CSPP1: variants seen among roughly 807,000 people sequenced by gnomAD.
The protein encoded by CSPP1 is centrosome and spindle pole-associated protein 1.
A neutral mutation model predicts 164.4 loss-of-function variants in CSPP1; 126 were observed. That is an observed-to-expected ratio of 0.77 (90% CI 0.66 to 0.89). CSPP1 has a LOEUF of 0.89. Among genes scored for constraint, CSPP1 ranks in the 40% least tolerant of loss-of-function variants. CSPP1 has a pLI of 0.00. For synonymous variants in CSPP1, 472 were observed against 476.7 expected, an observed-to-expected ratio of 0.99 and a Z score of 0.13; for missense variants, 1,395 against 1,449.8, an observed-to-expected ratio of 0.96 and a Z score of 0.61.
chr8:67,071,847 A>G (rs1489457012), intron 1 of CSPP1, among the ~76,000 whole-genome samples: 3 of 152,316 alleles, frequency 2.0e-5, no homozygotes, highest in South Asian at 4.1e-4. Flanking sequence ...TACTCTATTC[A>G]TATGCAAAAA....
intron 28 of CSPP1, among the ~76,000 whole-genome samples, 185 bp from the exon 29 acceptor site, chr8:67,190,460 CTACTT>C (rs1210768347): frequency 3.3e-5 from 5 of 152,086 alleles, no homozygotes; most frequent in African/African-American, 9.7e-5. Context: ...TGAAAATGTT[CTACTT>C]TAAAGTGATG....
chr8:67,124,987 A>G (rs1040429908), intron 15 of CSPP1, among the ~76,000 whole-genome samples: 7 of 152,144 alleles, frequency 4.6e-5, no homozygotes, highest in Admixed American at 4.6e-4. Context: ...TTGTCTTTTA[A>G]GTCAAATAGA....
intron 18 of CSPP1, 79 bp from the exon 19 acceptor site, chr8:67,153,945 A>T: frequency 1.6e-6 from 1 of 627,732 alleles, no homozygotes; most frequent in Non-Finnish European, 2.8e-6. Flanking sequence ...TGAATTTATT[A>T]GCAAACTGTT....
intron 8 of CSPP1, among the ~76,000 whole-genome samples, chr8:67,104,256 A>C (rs935391720): frequency 6.6e-6 from 1 of 150,912 alleles, no homozygotes; most frequent in Non-Finnish European, 1.5e-5. Flanking sequence ...GTCTTCCAAG[A>C]AAGGTTTTTT....
chr8:67,173,100 G>C (rs888041461), intron 25 of CSPP1: 1 of 152,308 alleles, frequency 6.6e-6, no homozygotes, highest in Non-Finnish European at 1.5e-5. Flanking sequence ...GGAGACAATA[G>C]GCATAAGACT....
At chr8:67,098,491 C>T (rs1395081069) in intron 7 of CSPP1, among the ~76,000 whole-genome samples, 1 of 151,604 alleles carries the variant, frequency 6.6e-6, no homozygotes, top group Non-Finnish European at 1.5e-5. Context: ...AATGATGTTG[C>T]CTTCCTAAAC....
chr8:67,146,800 GTAAGTGCTCC>G lies in CSPP1; in HGVS notation c.1976-2979_1976-2970del, dbSNP rs532828059. ...AGCTAATTCACTCAGTGAGGAGCACGTAAGTGCTCCTAATTTTATATTGAATGTTATGATG... is the reference window on the plus strand; with the variant it reads ...AGCTAATTCACTCAGTGAGGAGCACGTAATTTTATATTGAATGTTATGATG... On this transcript the variant is annotated intron_variant, in intron 17 of 30. Coordinates refer to ENST00000678616, the MANE Select transcript of CSPP1 (RefSeq NM_001382391.1). Among the ~76,000 whole-genome samples, 118 of 151,706 alleles carry G rather than the reference GTAAGTGCTCC, an allele frequency of 7.8e-4. 1 individual carries two copies. Among genetic ancestry groups the G allele is most frequent in the African/African-American group, 2.7e-3 (111 of 41,028 alleles).
chr8:67,073,899 A>C lies in CSPP1; in HGVS notation c.-10-344A>C, dbSNP rs1319314213. 2.0e-5 allele frequency among the ~76,000 whole-genome samples: 3 copies of C among 152,192 alleles called. No individual in the cohort carries two copies. In the East Asian group the frequency reaches 5.8e-4, roughly 29 times the overall value. Reference sequence around the variant, plus strand: ...GTAACTTCTCTGTAGGTCAGAAATTATCTCCCAATATTTAAAAAAAACTTT... The same window carrying C: ...GTAACTTCTCTGTAGGTCAGAAATTCTCTCCCAATATTTAAAAAAAACTTT... On this transcript the variant is annotated intron_variant, in intron 1 of 30. Transcript: ENST00000678616.
At chr8:67,070,056 TA>T (rs1269139458) in intron 1 of CSPP1, among the ~76,000 whole-genome samples, 1 of 228 alleles carries the variant, frequency 4.4e-3, no homozygotes, top group East Asian at 0.1. Flanking sequence ...ATAGAATATT[TA>T]GGGAAGATTA....
chr8:67,115,226 A>G (rs959396981), intron 12 of CSPP1: 2 of 152,274 alleles, frequency 1.3e-5, no homozygotes, highest in Admixed American at 1.3e-4. Flanking sequence ...CAATTAGAGA[A>G]GTAGCACGGT....
rs185786218 is a variant in CSPP1 at position 67,102,924 on chromosome 8, T to G, written c.924-113T>G. On this transcript the variant is annotated intron_variant, in intron 7 of 30. Transcript: ENST00000678616. ...ATAATGCATTTATAGTAAAACTTCA[T>G]TATAACACTTTGTTCCTTTTAATGT... 3.9e-5 allele frequency: 21 copies of G among 544,476 alleles called. No homozygotes were observed. In the East Asian group the frequency reaches 5.2e-4, roughly 13 times the overall value. 33.7% of individuals were successfully genotyped at this position (544,476 alleles called of 1,614,324 possible). A position where few individuals can be genotyped will look rare whatever the true frequency, so the allele number is the denominator to read the frequency against.
At chr8:67,170,713 A>T (rs1251004560) in intron 24 of CSPP1, among the ~76,000 whole-genome samples, 1 of 152,182 alleles carries the variant, frequency 6.6e-6, no homozygotes, top group African/African-American at 2.4e-5. Flanking sequence ...GGATTTTGAA[A>T]AATTTCAATA....
chr8:67,115,922 A>G lies in CSPP1; in HGVS notation c.1296A>G (p.Arg432=). 6.2e-7 allele frequency: 1 copy of G among 1,612,738 alleles called. No individual in the cohort carries two copies. Among genetic ancestry groups the G allele is most frequent in the Non-Finnish European group, 8.5e-7 (1 of 1,178,768 alleles). The change falls in exon 13 of 31, where the codon AGA becomes AGG. Residue 432 remains arginine, a synonymous_variant. Coordinates refer to ENST00000678616, the MANE Select transcript of CSPP1 (RefSeq NM_001382391.1). ...TTTTTTCTTTATTTTAGCCTGATAGACTAAAGCAGTTTAGTGTGGCACCAA... is the reference window on the plus strand; with the variant it reads ...TTTTTTCTTTATTTTAGCCTGATAGGCTAAAGCAGTTTAGTGTGGCACCAA... ...SLQLSKEEPD[R]LKQFSVAPRH...
chr8:67,109,880 C>T (rs1308503940), intron 9 of CSPP1, among the ~76,000 whole-genome samples: 2 of 152,106 alleles, frequency 1.3e-5, no homozygotes, highest in Admixed American at 6.6e-5. Context: ...CTCTTCATCT[C>T]TGTAGGAGTT....
rs1826217743 is a variant in CSPP1, at chr8:67,154,068, T to A, written c.2173T>A (p.Phe725Ile). The A allele has an allele frequency of 6.2e-7, 1 of 1,608,596 alleles. No individual in the cohort carries two copies. Among genetic ancestry groups the A allele is most frequent in the Non-Finnish European group, 8.5e-7 (1 of 1,175,674 alleles). ...CTCTCCTTTTGCTCGGGGAAATGTA[T>A]TTGGTGAGCCTCCAACTGAACTTCA... Reference protein sequence around the residue: ...QSSPFARGNVFGEPPTELQIK... With the variant: ...QSSPFARGNVIGEPPTELQIK... The change falls in exon 19 of 31, where the codon TTT (phenylalanine) becomes ATT (isoleucine). Residue 725 changes from phenylalanine to isoleucine, a missense_variant. By Grantham distance (21) the Phe-to-Ile change is conservative. Coordinates refer to ENST00000678616, the MANE Select transcript of CSPP1 (RefSeq NM_001382391.1).
chr8:67,186,112 T>C (rs1307825092), intron 28 of CSPP1, among the ~76,000 whole-genome samples: 1 of 152,148 alleles, frequency 6.6e-6, no homozygotes, highest in Admixed American at 6.5e-5. Flanking sequence ...TTTAGGAAAA[T>C]AGTTTAAACA....
chr8:67,133,519 C>T (rs1191657989), intron 16 of CSPP1: 3 of 152,332 alleles, frequency 2.0e-5, no homozygotes, highest in Admixed American at 6.5e-5. Context: ...TTTAAAAATA[C>T]TGTATTGCTA....
At position 67,195,716 on chromosome 8, in the gene CSPP1, A is replaced by G. The variant is rs188257548; in HGVS notation, c.*123A>G. On this transcript the variant is annotated 3_prime_UTR_variant, in exon 31 of 31. Transcript: ENST00000678616. The stretch of plus-strand genomic sequence containing the variant: ...TACTTTTTTTCCATCATCTGTATAT[A>G]AAATTATTTTTATCATGATGTATAT... The G allele has an allele frequency of 5.3e-4, 372 of 696,818 alleles. No individual in the cohort carries two copies. The African/African-American group carries it at 6.1e-3, about 11-fold the overall frequency. The allele number at this position is 696,818 out of a possible 1,614,324, so 43.2% of individuals were successfully genotyped here.
At chr8:67,075,906 T>C (rs1035430082) in intron 2 of CSPP1, among the ~76,000 whole-genome samples, 17 of 152,190 alleles carry the variant, frequency 1.1e-4, no homozygotes, top group African/African-American at 4.1e-4. Flanking sequence ...CTCCAGTAGT[T>C]AGGACCAGCT....
Sources: gnomAD v4.1 joint callset for allele counts (sites outside exome capture counted in the v4.1 genomes callset) on GRCh38, gnomAD v4.1.1 for gene constraint, MANE v1.5 for transcripts, NCBI Gene and HGNC (gene_info 2026-07-23, HGNC 2026-07-21) for gene names.